Variants in DPP10 observed in about 807,000 individuals in gnomAD.
DPP10 encodes inactive dipeptidyl peptidase 10.
DPP10 carries 33 observed loss-of-function variants against 120.9 expected under a neutral mutation model. That is an observed-to-expected ratio of 0.27 (90% confidence interval 0.21 to 0.37). DPP10 has a LOEUF of 0.37. DPP10 is among the 10% of genes least tolerant of loss of function. The pLI is 1.00. For synonymous variants in DPP10, 337 were observed against 326.1 expected (o/e 1.03, Z -0.36); for missense variants, 816 against 942.8 (o/e 0.87, Z 1.76).
rs899203004 is a variant in DPP10 at position 115,019,621 on chromosome 2, G to A, written c.61-289618G>A. Among the ~76,000 whole-genome samples the A allele has an allele frequency of 2.6e-5, 4 of 152,194 alleles. No homozygotes were observed. In the East Asian group the frequency reaches 7.7e-4, roughly 29 times the overall value. On this transcript the variant is annotated intron_variant, in intron 1 of 25. Transcript: ENST00000410059. ...GGTATAATTGAGGAAAACTTTCCCA[G>A]CCTTGATAGAGATCTAGACATCCAA...
intron 1 of DPP10, among the ~76,000 whole-genome samples, chr2:114,523,658 G>A (rs956632160): frequency 5.9e-5 from 9 of 152,176 alleles, no homozygotes; most frequent in African/African-American, 2.2e-4. Flanking sequence ...TTTAAGGAGA[G>A]GAAATGTGCC....
intron 1 of DPP10, among the ~76,000 whole-genome samples, chr2:115,069,683 C>G (rs528754488): frequency 9.2e-5 from 14 of 152,080 alleles, no homozygotes; most frequent in Admixed American, 3.9e-4. Flanking sequence ...GTAAGATGTA[C>G]AGGTTTTGAC....
chr2:114,494,109 A>AAAAC (rs1553450305), intron 1 of DPP10, among the ~76,000 whole-genome samples: 1 of 144,262 alleles, frequency 6.9e-6, no homozygotes, highest in African/African-American at 2.5e-5. Flanking sequence ...GGCAAAAAAA[A>AAAAC]AAAAAAAAAA....
chr2:115,589,668 A>ATTCC (rs1489400102), intron 5 of DPP10, among the ~76,000 whole-genome samples: 2 of 152,246 alleles, frequency 1.3e-5, no homozygotes, highest in East Asian at 3.8e-4. Flanking sequence ...ACAGGTTGAC[A>ATTCC]TTCCATGTTT....
chr2:115,343,573 A>G (rs2063553970), intron 2 of DPP10, among the ~76,000 whole-genome samples: 1 of 152,156 alleles, frequency 6.6e-6, no homozygotes, highest in Non-Finnish European at 1.5e-5. Context: ...TATTACTAAT[A>G]CGTAACATGG....
chr2:114,699,456 A>G (rs1400486650), intron 1 of DPP10, among the ~76,000 whole-genome samples: 1 of 152,156 alleles, frequency 6.6e-6, no homozygotes, highest in African/African-American at 2.4e-5. Context: ...AAATCTCTGC[A>G]CACACTGCAA....
chr2:115,514,094 C>T (rs866918801), intron 4 of DPP10, among the ~76,000 whole-genome samples: 1 of 151,914 alleles, frequency 6.6e-6, no homozygotes, highest in Non-Finnish European at 1.5e-5. Flanking sequence ...TAAATCTCTT[C>T]TGACCTCTGT....
chr2:114,829,702 A>G (rs978056482), intron 1 of DPP10, among the ~76,000 whole-genome samples: 3 of 151,998 alleles, frequency 2.0e-5, no homozygotes, highest in Non-Finnish European at 2.9e-5. Flanking sequence ...AGAGAAGGAC[A>G]GAAGTCAAGT....
chr2:115,616,631 A>T (rs1406797681), intron 5 of DPP10, among the ~76,000 whole-genome samples: 4 of 152,098 alleles, frequency 2.6e-5, no homozygotes, highest in Non-Finnish European at 5.9e-5. Context: ...GTAGCTTTTG[A>T]CAAAGTTGGC....
At chr2:115,141,884 G>T (rs904298286) in intron 1 of DPP10, among the ~76,000 whole-genome samples, 4 of 152,042 alleles carry the variant, frequency 2.6e-5, no homozygotes, top group African/African-American at 9.7e-5. Context: ...AGCAATTCTT[G>T]TGCCTCAGCC....
intron 1 of DPP10, among the ~76,000 whole-genome samples, chr2:114,909,660 A>G (rs975161999): frequency 6.6e-6 from 1 of 152,066 alleles, no homozygotes; most frequent in Non-Finnish European, 1.5e-5. Flanking sequence ...TCAGAAGTCA[A>G]TGAGTTGGGA....
chr2:115,381,742 C>T (rs1220377736), intron 3 of DPP10, among the ~76,000 whole-genome samples: 1 of 152,032 alleles, frequency 6.6e-6, no homozygotes, highest in Non-Finnish European at 1.5e-5. Flanking sequence ...GTGTGGATGT[C>T]CTTTCTGTTT....
At chr2:115,826,577 C>G (rs1022020711) in intron 21 of DPP10, among the ~76,000 whole-genome samples, 4 of 152,128 alleles carry the variant, frequency 2.6e-5, no homozygotes, top group Non-Finnish European at 4.4e-5. Flanking sequence ...AAAAATTAGC[C>G]GGGCATGATG....
chr2:115,691,358 G>A (rs999842537), intron 7 of DPP10, among the ~76,000 whole-genome samples: 3 of 152,124 alleles, frequency 2.0e-5, no homozygotes, highest in Admixed American at 6.6e-5. Flanking sequence ...TCCATGTATA[G>A]GTTCTTGATC....
At chr2:115,320,430 ATGC>A (rs2062003044) in intron 2 of DPP10, among the ~76,000 whole-genome samples, 1 of 151,546 alleles carries the variant, frequency 6.6e-6, no homozygotes, top group Admixed American at 6.6e-5. Context: ...AAGTCCTTCA[ATGC>A]TGCTTTCTTT....
intron 1 of DPP10, among the ~76,000 whole-genome samples, chr2:114,516,084 C>A (rs368733312): frequency 6.6e-6 from 1 of 152,160 alleles, no homozygotes; most frequent in Non-Finnish European, 1.5e-5. Context: ...TTCAGTGGAT[C>A]TGAGGGAGCC....
chr2:114,590,136 G>C (rs1691336677), intron 1 of DPP10, among the ~76,000 whole-genome samples: 2 of 151,966 alleles, frequency 1.3e-5, no homozygotes, highest in Non-Finnish European at 2.9e-5. Context: ...AATAATTGCA[G>C]CACAATTTAC....
chr2:115,512,528 C>T (rs1485814602), intron 4 of DPP10, among the ~76,000 whole-genome samples: 1 of 151,596 alleles, frequency 6.6e-6, no homozygotes, highest in African/African-American at 2.4e-5. Flanking sequence ...TAGATTTTTA[C>T]AGCTAATAAT....
At chr2:115,841,378 G>A (rs1690129341) in intron 25 of DPP10, among the ~76,000 whole-genome samples, 1 of 152,140 alleles carries the variant, frequency 6.6e-6, no homozygotes, top group Non-Finnish European at 1.5e-5. Flanking sequence ...GGACATTACA[G>A]TGGTCACTCT....
Sources: allele counts gnomAD v4.1 joint callset (sites outside exome capture counted in the v4.1 genomes callset), GRCh38; gene constraint gnomAD v4.1.1; transcripts MANE v1.5; gene names NCBI Gene and HGNC (gene_info 2026-07-23, HGNC 2026-07-21).